Variants in SNX13 observed in about 807,000 individuals in gnomAD.
SNX13 encodes sorting nexin 13.
A neutral mutation model predicts 133.6 loss-of-function variants in SNX13; 45 were observed. The observed-to-expected ratio is 0.34, with a 90% CI of 0.27 to 0.43. The LOEUF is 0.43. SNX13 is among the 20% of genes least tolerant of loss of function. The pLI is 1.00. For synonymous variants in SNX13, 414 were observed against 373.9 expected, an observed-to-expected ratio of 1.11 and a Z score of -1.24; for missense variants, 1,032 against 1,145.1, an observed-to-expected ratio of 0.90 and a Z score of 1.43.
At position 17,839,802 on chromosome 7, in the gene SNX13, C is replaced by T. The variant is rs772515701; in HGVS notation, c.1359+5G>A. On this transcript the variant is annotated splice_donor_5th_base_variant and intron_variant, in intron 13 of 25. Transcript: ENST00000428135. ...AAGAAAACAGTAATCAAAATACAGCCTCACCTTTTCTGATAAATACTGTTC... is the reference window on the plus strand; with the variant it reads ...AAGAAAACAGTAATCAAAATACAGCTTCACCTTTTCTGATAAATACTGTTC... 3.8e-6 allele frequency: 6 copies of T among 1,590,462 alleles called. No homozygotes were observed. The East Asian group carries it at 1.1e-4, about 30-fold the overall frequency.
At chr7:17,892,119 C>G (rs1374418802) in intron 3 of SNX13, among the ~76,000 whole-genome samples, 1 of 151,526 alleles carries the variant, frequency 6.6e-6, no homozygotes, top group Non-Finnish European at 1.5e-5. Context: ...AGATCAGTGG[C>G]CTGAAAATTG....
chr7:17,833,945 T>C (rs542370402), intron 15 of SNX13, 107 bp downstream of exon 15: 3 of 783,708 alleles, frequency 3.8e-6, no homozygotes, highest in Non-Finnish European at 5.3e-6. Flanking sequence ...TATTACAGTT[T>C]ATATTTGGAC....
At chr7:17,923,468 C>T (rs1486469040) in intron 1 of SNX13, among the ~76,000 whole-genome samples, 1 of 152,124 alleles carries the variant, frequency 6.6e-6, no homozygotes, top group East Asian at 1.9e-4. Context: ...TGTTAAGAGG[C>T]AGCTGGACCA....
intron 1 of SNX13, among the ~76,000 whole-genome samples, chr7:17,914,991 G>A (rs1416340655): frequency 6.6e-6 from 1 of 152,142 alleles, no homozygotes; most frequent in Non-Finnish European, 1.5e-5. Flanking sequence ...CACATGTAAT[G>A]ACACCCATAG....
chr7:17,906,915 T>A (rs1798465256), intron 1 of SNX13, among the ~76,000 whole-genome samples: 1 of 152,140 alleles, frequency 6.6e-6, no homozygotes, highest in Admixed American at 6.5e-5. Flanking sequence ...GATAATACAG[T>A]CAGCCCTAAC....
At chr7:17,863,746 T>G (rs1005496438) in intron 9 of SNX13, among the ~76,000 whole-genome samples, 3 of 152,222 alleles carry the variant, frequency 2.0e-5, no homozygotes, top group African/African-American at 7.2e-5. Context: ...GAGGTGCAAC[T>G]CTGCACGGTG....
At chr7:17,873,247 CTCTTGT>C (rs1794322094) in intron 8 of SNX13, among the ~76,000 whole-genome samples, 1 of 152,188 alleles carries the variant, frequency 6.6e-6, no homozygotes, top group African/African-American at 2.4e-5. Context: ...TAACTTTTCA[CTCTTGT>C]TCTTTCATGT....
intron 20 of SNX13, among the ~76,000 whole-genome samples, chr7:17,805,922 T>C (rs1314236887): frequency 2.0e-5 from 3 of 152,140 alleles, no homozygotes; most frequent in Non-Finnish European, 4.4e-5. Flanking sequence ...TGGTTAACCA[T>C]GAAAGAGGCA....
At chr7:17,925,343 C>T (rs1800623870) in intron 1 of SNX13, among the ~76,000 whole-genome samples, 1 of 152,254 alleles carries the variant, frequency 6.6e-6, no homozygotes, top group South Asian at 2.1e-4. Flanking sequence ...ATTTTGATGA[C>T]AGATGCCCAA....
At chr7:17,850,030 A>C (rs1791024719) in intron 11 of SNX13, among the ~76,000 whole-genome samples, 1 of 152,174 alleles carries the variant, frequency 6.6e-6, no homozygotes, top group South Asian at 2.1e-4. Flanking sequence ...GCTCTTCTAA[A>C]AAGTACCCAA....
intron 3 of SNX13, among the ~76,000 whole-genome samples, chr7:17,892,876 A>T (rs1297906040): frequency 6.6e-6 from 1 of 152,178 alleles, no homozygotes; most frequent in Non-Finnish European, 1.5e-5. Flanking sequence ...ATTCAAGATG[A>T]TAAAAATTAG....
At chr7:17,859,899 T>C (rs192739065) in intron 9 of SNX13, among the ~76,000 whole-genome samples, 230 of 152,316 alleles carry the variant, frequency 1.5e-3, no homozygotes, top group African/African-American at 5.2e-3. Context: ...TATGCATTCA[T>C]CTGTTGATAG....
chr7:17,863,616 C>G (rs922753295), intron 9 of SNX13, among the ~76,000 whole-genome samples: 7 of 152,190 alleles, frequency 4.6e-5, no homozygotes, highest in South Asian at 2.1e-4. Flanking sequence ...CAGTCCCTAG[C>G]AGAATTCACA....
chr7:17,868,416 G>C lies in SNX13; in HGVS notation c.828C>G (p.Val276=). The C allele has an allele frequency of 6.2e-7, 1 of 1,602,820 alleles. No individual in the cohort carries two copies. Among genetic ancestry groups the C allele is most frequent in the Non-Finnish European group, 8.5e-7 (1 of 1,173,518 alleles). Residue 276 remains valine, a synonymous_variant, in exon 9 of 26, where the codon GTC becomes GTG. Coordinates refer to ENST00000428135, the MANE Select transcript of SNX13 (RefSeq NM_015132.5). The part of the protein sequence containing the change: ...LSDPDYINQY[V]IWMIRDSNCN... ...TTTAAAAGGCACCTACCATCCATATGACATACTGATTAATATAATCAGGAT... is the reference window on the plus strand; with the variant it reads ...TTTAAAAGGCACCTACCATCCATATCACATACTGATTAATATAATCAGGAT...
intron 9 of SNX13, among the ~76,000 whole-genome samples, chr7:17,864,970 A>C (rs1793204747): frequency 6.6e-6 from 1 of 152,170 alleles, no homozygotes; most frequent in Non-Finnish European, 1.5e-5. Context: ...GAAGGAAAAA[A>C]AAATGTCTTC....
intron 17 of SNX13, among the ~76,000 whole-genome samples, chr7:17,823,225 C>A (rs1161318948): frequency 6.6e-6 from 1 of 152,130 alleles, no homozygotes; most frequent in East Asian, 1.9e-4. Flanking sequence ...TTTTCCCCTT[C>A]AGCTATACTT....
intron 21 of SNX13, 45 bp from the exon 22 acceptor site, chr7:17,801,704 C>G (rs1784665913): frequency 7.0e-7 from 1 of 1,424,068 alleles, no homozygotes. Flanking sequence ...CTAAAGCAGA[C>G]AGTGAAAGAA....
At chr7:17,853,672 AG>A (rs1201994373) in intron 9 of SNX13, among the ~76,000 whole-genome samples, 3 of 152,238 alleles carry the variant, frequency 2.0e-5, no homozygotes, top group Non-Finnish European at 4.4e-5. Flanking sequence ...GGCCAGGCAC[AG>A]TGGCTCACGC....
chr7:17,904,658 C>G (rs925171393), intron 1 of SNX13, among the ~76,000 whole-genome samples: 38 of 152,252 alleles, frequency 2.5e-4, no homozygotes, highest in African/African-American at 8.4e-4. Flanking sequence ...TATTTAAATA[C>G]ATTATATGGC....
Sources: allele counts gnomAD v4.1 joint callset (sites outside exome capture counted in the v4.1 genomes callset), GRCh38; gene constraint gnomAD v4.1.1; transcripts MANE v1.5; gene names NCBI Gene and HGNC (gene_info 2026-07-23, HGNC 2026-07-21).